Variants in ZSCAN25 observed in about 807,000 individuals in gnomAD.
ZSCAN25 encodes zinc finger and SCAN domain-containing protein 25.
A neutral mutation model predicts 38.7 loss-of-function variants in ZSCAN25; 27 were observed. The ratio of observed to expected loss-of-function variants is 0.70; its 90% CI spans 0.51 to 0.96. The LOEUF (loss-of-function observed/expected upper bound fraction) is 0.96. Among genes scored for constraint, ZSCAN25 ranks in the 40% least tolerant of loss-of-function variants. ZSCAN25 has a pLI of 0.00. For synonymous variants in ZSCAN25, 273 were observed against 277.7 expected (o/e 0.98, Z 0.17); for missense variants, 637 against 705.9 (o/e 0.90, Z 1.11).
At chr7:99,697,122 A>G in the ZSCAN25 span, among the ~76,000 whole-genome samples, 2 of 152,222 alleles carry the variant, frequency 1.3e-5, no homozygotes, top group Non-Finnish European at 2.9e-5. Context: ...GAAAGGACTA[A>G]TACACCCAGA....
the ZSCAN25 span, among the ~76,000 whole-genome samples, chr7:99,712,704 ATCTG>A: frequency 6.6e-6 from 1 of 152,198 alleles, no homozygotes; most frequent in African/African-American, 2.4e-5. Context: ...ACATATTTAA[ATCTG>A]TATGCCAAAG....
At chr7:99,677,052 C>G in the ZSCAN25 span, among the ~76,000 whole-genome samples, 1 of 152,146 alleles carries the variant, frequency 6.6e-6, no homozygotes, top group Non-Finnish European at 1.5e-5. Flanking sequence ...AGGTGGTCAA[C>G]CAGAAAGCAG....
At chr7:99,666,302 T>C in the ZSCAN25 span, among the ~76,000 whole-genome samples, 2 of 152,224 alleles carry the variant, frequency 1.3e-5, no homozygotes, top group African/African-American at 2.4e-5. Flanking sequence ...CTCAAAACTT[T>C]GATACAATCA....
chr7:99,652,391 G>T, the ZSCAN25 span: 7 of 527,362 alleles, frequency 1.3e-5, no homozygotes, highest in South Asian at 6.3e-5. Context: ...GTTTTTTCTA[G>T]TCTGTGGTTT....
At chr7:99,643,675 C>T in the ZSCAN25 span, among the ~76,000 whole-genome samples, 1 of 151,912 alleles carries the variant, frequency 6.6e-6, no homozygotes, top group South Asian at 2.1e-4. Context: ...ATGGGGCTCT[C>T]AGTCCCACTG....
the ZSCAN25 span, among the ~76,000 whole-genome samples, chr7:99,731,680 A>G: frequency 6.6e-6 from 1 of 152,018 alleles, no homozygotes; most frequent in South Asian, 2.1e-4. Context: ...CTTTCCCTTC[A>G]CTCTAAGCTC....
At chr7:99,707,886 C>T in the ZSCAN25 span, 4 of 1,614,034 alleles carry the variant, frequency 2.5e-6, no homozygotes, top group Non-Finnish European at 2.5e-6. Flanking sequence ...TTCACGAGAG[C>T]AAACCTCATG....
At chr7:99,633,300 G>A (rs1034349196), downstream of ZSCAN25, among the ~76,000 whole-genome samples, 4 of 152,144 alleles carry the variant, frequency 2.6e-5, no homozygotes, top group African/African-American at 9.6e-5. Flanking sequence ...ATTGTGACAT[G>A]CCCTGTTTCT....
chr7:99,723,298 A>G, the ZSCAN25 span, among the ~76,000 whole-genome samples: 21 of 152,242 alleles, frequency 1.4e-4, no homozygotes, highest in East Asian at 1.4e-3. Context: ...CCCTGCCCCA[A>G]CTGATCGATT....
the ZSCAN25 span, chr7:99,663,101 A>T: frequency 7.9e-7 from 1 of 1,265,142 alleles, no homozygotes; most frequent in East Asian, 3.7e-5. Context: ...ATCATGTCCA[A>T]TTGCTTTTTC....
the ZSCAN25 span, among the ~76,000 whole-genome samples, chr7:99,687,733 G>A: frequency 2.0e-5 from 3 of 152,298 alleles, no homozygotes; most frequent in South Asian, 6.2e-4. Flanking sequence ...ATTCACCAAA[G>A]TTGAAATGAA....
downstream of ZSCAN25, among the ~76,000 whole-genome samples, chr7:99,636,325 G>A (rs769609802): frequency 6.6e-5 from 10 of 152,152 alleles, no homozygotes; most frequent in Non-Finnish European, 1.0e-4. Flanking sequence ...TGAGAACTTC[G>A]TACTTTAGTT....
the ZSCAN25 span, among the ~76,000 whole-genome samples, chr7:99,672,042 T>TTTGTTGTTGTTGTTG: frequency 1.3e-5 from 2 of 151,728 alleles, no homozygotes; most frequent in African/African-American, 4.8e-5. Context: ...TTTGCCGGTT[T>TTTGTTGTTGTTGTTG]TTGTTGTTGT....
At chr7:99,672,826 T>C in the ZSCAN25 span, 1 of 1,475,928 alleles carries the variant, frequency 6.8e-7, no homozygotes, top group South Asian at 1.4e-5. Flanking sequence ...TCTAGTTCAT[T>C]AGGGTGTGAC....
At chr7:99,732,296 G>T in the ZSCAN25 span, among the ~76,000 whole-genome samples, 1 of 152,100 alleles carries the variant, frequency 6.6e-6, no homozygotes, top group Non-Finnish European at 1.5e-5. Flanking sequence ...TTTCCTGAGG[G>T]CACCCTAGCG....
the ZSCAN25 span, chr7:99,731,233 T>G: frequency 6.6e-7 from 1 of 1,523,342 alleles, no homozygotes; most frequent in Non-Finnish European, 9.1e-7. Context: ...ACTGAGGAAC[T>G]GGAATGATCA....
At chr7:99,713,464 G>T in the ZSCAN25 span, 1 of 1,613,292 alleles carries the variant, frequency 6.2e-7, no homozygotes, top group Non-Finnish European at 8.5e-7. Flanking sequence ...GCACTCTTTT[G>T]TTACCTTTGT....
intron 3 of ZSCAN25, 133 bp from the exon 4 acceptor site, chr7:99,619,428 T>C: frequency 1.4e-6 from 1 of 693,508 alleles, no homozygotes; most frequent in Non-Finnish European, 2.4e-6. Context: ...TTGACCTGAC[T>C]TTTGGGATCT....
the ZSCAN25 span, among the ~76,000 whole-genome samples, chr7:99,735,627 C>G: frequency 6.6e-6 from 1 of 152,218 alleles, no homozygotes; most frequent in Non-Finnish European, 1.5e-5. Context: ...AGAGCCTTCT[C>G]TTAGAGTCTT....
Sources: gnomAD v4.1 joint callset for allele counts (sites outside exome capture counted in the v4.1 genomes callset) on GRCh38, gnomAD v4.1.1 for gene constraint, MANE v1.5 for transcripts, NCBI Gene and HGNC (gene_info 2026-07-23, HGNC 2026-07-21) for gene names.